The following PODN variants were observed in gnomAD, a reference collection of about 807,000 sequenced individuals.
PODN encodes podocan, also known as podocan proteoglycan.
In PODN, 40 loss-of-function variants were observed where a neutral mutation model predicts 52.7. The ratio of observed to expected loss-of-function variants is 0.76; its 90% CI spans 0.59 to 0.99. The LOEUF (loss-of-function observed/expected upper bound fraction) is 0.99, where lower values mean the gene tolerates loss of function less well. PODN is among the 50% of genes least tolerant of loss of function. The pLI, the probability that PODN is intolerant of heterozygous loss-of-function variation, is 0.00. For synonymous variants in PODN, 396 were observed against 377.9 expected (o/e 1.05, Z -0.56); for missense variants, 720 against 815.1 (o/e 0.88, Z 1.42).
At chr1:53,070,703 G>A (rs1240522264) in intron 2 of PODN, among the ~76,000 whole-genome samples, 1 of 152,250 alleles carries the variant, frequency 6.6e-6, no homozygotes, top group African/African-American at 2.4e-5. Context: ...CAGCCCTAGG[G>A]AGACGGAGGG....
chr1:53,071,728 C>A (rs1644121640), intron 3 of PODN, 100 bp downstream of exon 3: 2 of 1,200,238 alleles, frequency 1.7e-6, no homozygotes, highest in Non-Finnish European at 2.4e-6. Flanking sequence ...CCCTGCGGAT[C>A]TTGGGGTGTG....
intron 4 of PODN, 89 bp from the exon 5 acceptor site, chr1:53,075,772 GA>G: frequency 9.3e-7 from 1 of 1,075,792 alleles, no homozygotes; most frequent in Non-Finnish European, 1.4e-6. Context: ...GAGACACAGT[GA>G]AGGGGCCCCG....
intron 4 of PODN, among the ~76,000 whole-genome samples, chr1:53,075,413 T>C (rs970384815): frequency 6.6e-6 from 1 of 152,214 alleles, no homozygotes; most frequent in Non-Finnish European, 1.5e-5. Flanking sequence ...CTGAGCTTCC[T>C]CACCATGTCC....
chr1:53,062,286 C>T lies in PODN; in HGVS notation c.-78C>T. ...GGAGCGCGTTCGGCCTGTGGGGCGC[C>T]GCTCGGCGCCGGGGCGCAGCAGGTA... On this transcript the variant is annotated 5_prime_UTR_variant, in exon 1 of 11. Transcript: ENST00000312553. 7.9e-7 allele frequency: 1 copy of T among 1,261,120 alleles called. No individual in the cohort carries two copies. The highest frequency in any genetic ancestry group is 1.0e-6 in the Non-Finnish European group (1 of 996,104). The allele number at this position is 1,261,120 out of a possible 1,614,324, so 78.1% of individuals were successfully genotyped here. A position where few individuals can be genotyped will look rare whatever the true frequency, so the allele number is the denominator to read the frequency against.
intron 9 of PODN, 35 bp from the exon 10 acceptor site, chr1:53,081,946 G>A (rs757792415): frequency 6.4e-7 from 1 of 1,562,068 alleles, no homozygotes; most frequent in Non-Finnish European, 8.7e-7. Flanking sequence ...TTGGGGGTTG[G>A]GCTCCTGGCA....
intron 9 of PODN, among the ~76,000 whole-genome samples, 155 bp from the exon 10 acceptor site, chr1:53,081,826 T>C (rs1436775338): frequency 6.6e-6 from 1 of 152,206 alleles, no homozygotes; most frequent in African/African-American, 2.4e-5. Context: ...TTCCATCATG[T>C]ACTGCGCTCT....
intron 1 of PODN, 61 bp downstream of exon 1, chr1:53,062,369 C>T (rs369465338): frequency 8.7e-7 from 1 of 1,153,046 alleles, no homozygotes; most frequent in Non-Finnish European, 1.1e-6. Flanking sequence ...GGGCAGCGCA[C>T]TCAGACGTCC....
intron 4 of PODN, among the ~76,000 whole-genome samples, chr1:53,075,022 G>A (rs550840072): frequency 6.6e-6 from 1 of 152,144 alleles, no homozygotes; most frequent in Admixed American, 6.5e-5. Flanking sequence ...AGGGTGGGGG[G>A]CACTGCAGTA....
chr1:53,073,292 T>G (rs1644146468), intron 3 of PODN: 1 of 181,862 alleles, frequency 5.5e-6, no homozygotes, highest in Non-Finnish European at 1.2e-5. Flanking sequence ...AAGCCTGCCA[T>G]TCCAATGGGA....
At chr1:53,082,446 G>A (rs1391616252) in intron 10 of PODN, among the ~76,000 whole-genome samples, 1 of 152,206 alleles carries the variant, frequency 6.6e-6, no homozygotes, top group Non-Finnish European at 1.5e-5. Flanking sequence ...CACTGGACAT[G>A]TGGGTCGGGG....
At chr1:53,077,159 G>C (rs1488445097) in intron 5 of PODN, 31 bp from the exon 6 acceptor site, 2 of 1,608,904 alleles carry the variant, frequency 1.2e-6, no homozygotes, top group Non-Finnish European at 1.7e-6. Flanking sequence ...GGGGAGCCCA[G>C]GTGGGTGAGG....
intron 1 of PODN, chr1:53,063,473 C>T (rs1643989395): frequency 3.0e-6 from 3 of 985,510 alleles, no homozygotes; most frequent in Non-Finnish European, 1.2e-6. Context: ...ATATAGAAAC[C>T]TTCCACACTG....
chr1:53,076,139 G>A (rs952617865), intron 5 of PODN, among the ~76,000 whole-genome samples, 168 bp downstream of exon 5: 4 of 152,230 alleles, frequency 2.6e-5, no homozygotes, highest in Admixed American at 6.5e-5. Flanking sequence ...CTCGGGCCAG[G>A]AGGTGAGGAC....
rs760894804 is a variant in PODN, at chr1:53,077,292, C to G, written c.684C>G (p.Phe228Leu). The G allele has an allele frequency of 1.9e-6, 3 of 1,613,422 alleles. No homozygotes were observed. Among genetic ancestry groups the G allele is most frequent in the Non-Finnish European group, 2.5e-6 (3 of 1,180,024 alleles). The part of the protein sequence containing the change: ...NVEVLILSSN[F>L]LRHVPKHLPP... ...AGGTCCTCATCCTGTCCAGCAACTT[C>G]CTGCGCCACGTGCCCAAGCACCTGC... The change falls in exon 6 of 11, where the codon TTC becomes TTG. Residue 228 changes from phenylalanine to leucine, a missense_variant. Coordinates refer to ENST00000312553, the MANE Select transcript of PODN (RefSeq NM_153703.5).
intron 8 of PODN, among the ~76,000 whole-genome samples, chr1:53,079,415 G>A (rs546463217): frequency 7.2e-5 from 11 of 152,298 alleles, no homozygotes; most frequent in South Asian, 2.1e-4. Flanking sequence ...CAGGAGGACC[G>A]GGGGCCAGTT....
Position 53,069,935 on chromosome 1 carries a change from C to T in PODN, c.80C>T (p.Ala27Val). 1 of 1,586,706 alleles carries T rather than the reference C, an allele frequency of 6.3e-7. No individual in the cohort carries two copies. Among genetic ancestry groups the T allele is most frequent in the Non-Finnish European group, 8.6e-7 (1 of 1,167,020 alleles). ...CTGGGACCTGTGCTTGCCGTGAGGG[C>T]CCCAGGATTTGGCCGAAGTGGCGGC... ...LHLGPVLAVRAPGFGRSGGHS... is the reference protein window; with the variant it reads ...LHLGPVLAVRVPGFGRSGGHS... Residue 27 changes from alanine to valine, a missense_variant, in exon 2 of 11, where the codon GCC becomes GTC. Ala to Val is a moderately conservative substitution (Grantham distance 64, BLOSUM62 0). Coordinates refer to ENST00000312553, the MANE Select transcript of PODN (RefSeq NM_153703.5).
chr1:53,081,869 T>C (rs965612378), intron 9 of PODN, 112 bp from the exon 10 acceptor site: 3 of 1,475,106 alleles, frequency 2.0e-6, no homozygotes, highest in Non-Finnish European at 2.7e-6. Context: ...GCTGCACCAC[T>C]TTCCGGGAGG....
At position 53,084,849 on chromosome 1, in the gene PODN, C is replaced by T. The variant is rs116016528; in HGVS notation, c.*364C>T. On this transcript the variant is annotated 3_prime_UTR_variant, in exon 11 of 11. Coordinates refer to ENST00000312553, the MANE Select transcript of PODN (RefSeq NM_153703.5). Reference sequence around the variant, plus strand: ...GCACACACAGGCACCCATTCCCTCCCCCTGCTGACATGTGTATGCGTATGC... The same window carrying T: ...GCACACACAGGCACCCATTCCCTCCTCCTGCTGACATGTGTATGCGTATGC... 1,743 of 152,426 alleles carry T rather than the reference C, an allele frequency of 0.011. 39 individuals carry two copies. The highest frequency in any genetic ancestry group is 0.04 in the African/African-American group (1,644 of 41,448). 9.4% of individuals were successfully genotyped at this position (152,426 alleles called of 1,614,324 possible). A position where few individuals can be genotyped will look rare whatever the true frequency, so the allele number is the denominator to read the frequency against.
intron 1 of PODN, among the ~76,000 whole-genome samples, chr1:53,065,917 A>C (rs1232787370): frequency 6.6e-6 from 1 of 151,950 alleles, no homozygotes; most frequent in Non-Finnish European, 1.5e-5. Flanking sequence ...ATAATGCTGC[A>C]GACCAGCACT....
Sources: gnomAD v4.1 joint callset for allele counts (sites outside exome capture counted in the v4.1 genomes callset) on GRCh38, gnomAD v4.1.1 for gene constraint, MANE v1.5 for transcripts, NCBI Gene and HGNC (gene_info 2026-07-23, HGNC 2026-07-21) for gene names.